Variants in NBEA observed in about 807,000 individuals in gnomAD.
The protein encoded by NBEA is lysosomal-trafficking regulator 2.
In NBEA, 44 loss-of-function variants were observed where a neutral mutation model predicts 343.4. That is an observed-to-expected ratio of 0.13 (90% confidence interval 0.10 to 0.16). The LOEUF is 0.16. Ranked by LOEUF, NBEA falls within the 10% of genes least tolerant of loss-of-function variation. The probability of loss-of-function intolerance (pLI) is 1.00; values close to 1 mark genes in which losing one functional copy is unlikely to be tolerated. For missense variants in NBEA, 2,555 were observed against 3,631.3 expected (o/e 0.70, Z 7.62); for synonymous variants, 1,175 against 1,238.7 (o/e 0.95, Z 1.08).
chr13:35,020,914 G>T (rs1430941514), intron 1 of NBEA, among the ~76,000 whole-genome samples: 1 of 152,070 alleles, frequency 6.6e-6, no homozygotes, highest in Non-Finnish European at 1.5e-5. Context: ...AACAAAAATT[G>T]TAGATTTGTC....
At chr13:35,300,906 T>TA (rs1210510950) in intron 35 of NBEA, among the ~76,000 whole-genome samples, 1 of 152,166 alleles carries the variant, frequency 6.6e-6, no homozygotes, top group East Asian at 1.9e-4. Context: ...CTGTGTACTG[T>TA]TGTCTACCTA....
intron 36 of NBEA, among the ~76,000 whole-genome samples, chr13:35,312,073 G>A (rs1398890802): frequency 6.6e-6 from 1 of 152,128 alleles, no homozygotes; most frequent in Non-Finnish European, 1.5e-5. Flanking sequence ...CCCACTACAT[G>A]TCAAATACTG....
intron 38 of NBEA, among the ~76,000 whole-genome samples, chr13:35,369,484 T>C (rs2041311273): frequency 6.6e-6 from 1 of 151,846 alleles, no homozygotes; most frequent in Non-Finnish European, 1.5e-5. Context: ...AATAATATGA[T>C]GATATTAACA....
intron 40 of NBEA, among the ~76,000 whole-genome samples, chr13:35,453,119 A>G (rs1340752106): frequency 6.6e-6 from 1 of 152,224 alleles, no homozygotes; most frequent in Non-Finnish European, 1.5e-5. Context: ...TGTTGCAAGG[A>G]ACATACTGAA....
chr13:35,129,081 G>T, intron 17 of NBEA, among the ~76,000 whole-genome samples: 1 of 102,470 alleles, frequency 9.8e-6, no homozygotes, highest in African/African-American at 3.8e-5. Flanking sequence ...GAGGGGGGAG[G>T]GATAGCATTA....
At chr13:35,417,229 T>G (rs1233250247) in intron 38 of NBEA, among the ~76,000 whole-genome samples, 3 of 152,204 alleles carry the variant, frequency 2.0e-5, no homozygotes, top group Non-Finnish European at 4.4e-5. Flanking sequence ...TTTGTGTCTC[T>G]ATTTCCTTCA....
chr13:35,086,315 C>G (rs1028213573), intron 10 of NBEA, among the ~76,000 whole-genome samples: 12 of 152,098 alleles, frequency 7.9e-5, no homozygotes, highest in African/African-American at 2.6e-4. Context: ...TCCTCTATTC[C>G]AGCTACTTTG....
At chr13:35,244,623 G>A (rs1327308988) in intron 34 of NBEA, among the ~76,000 whole-genome samples, 3 of 151,852 alleles carry the variant, frequency 2.0e-5, no homozygotes, top group Non-Finnish European at 4.4e-5. Context: ...ATATAAATTT[G>A]AGGATTGTTT....
At chr13:35,013,549 C>A (rs570769965) in intron 1 of NBEA, among the ~76,000 whole-genome samples, 26 of 151,958 alleles carry the variant, frequency 1.7e-4, no homozygotes, top group Non-Finnish European at 1.2e-4. Flanking sequence ...TGGCTCACTG[C>A]AACCTCTGCC....
intron 1 of NBEA, among the ~76,000 whole-genome samples, chr13:34,954,277 A>G (rs925134134): frequency 3.3e-5 from 5 of 152,194 alleles, no homozygotes; most frequent in Admixed American, 3.3e-4. Flanking sequence ...CCCCAGAGAT[A>G]TCAAGGGACA....
chr13:35,116,840 A>G (rs1291322967), intron 13 of NBEA, among the ~76,000 whole-genome samples: 2 of 152,056 alleles, frequency 1.3e-5, no homozygotes, highest in African/African-American at 4.8e-5. Flanking sequence ...ACGTTATGAT[A>G]GAACTGATAT....
chr13:34,959,816 A>G (rs917934129), intron 1 of NBEA, among the ~76,000 whole-genome samples: 5 of 152,136 alleles, frequency 3.3e-5, no homozygotes, highest in African/African-American at 1.2e-4. Context: ...TCATAGCACA[A>G]TGCATCATTC....
intron 13 of NBEA, among the ~76,000 whole-genome samples, chr13:35,115,270 T>C (rs1412350138): frequency 6.6e-6 from 1 of 152,104 alleles, no homozygotes; most frequent in Non-Finnish European, 1.5e-5. Flanking sequence ...AGCTTTATTT[T>C]GAATACATCA....
intron 34 of NBEA, among the ~76,000 whole-genome samples, chr13:35,267,400 A>C (rs2033772496): frequency 6.6e-6 from 1 of 151,998 alleles, no homozygotes. Flanking sequence ...TTTTTTAATG[A>C]ACAAAAATAC....
chr13:35,463,523 G>A (rs1332374499), intron 40 of NBEA, among the ~76,000 whole-genome samples: 1 of 152,076 alleles, frequency 6.6e-6, no homozygotes, highest in Non-Finnish European at 1.5e-5. Context: ...TACTCAGGAG[G>A]CTGATGTGGG....
At chr13:35,076,935 A>T (rs1389310279) in intron 10 of NBEA, among the ~76,000 whole-genome samples, 1 of 152,092 alleles carries the variant, frequency 6.6e-6, no homozygotes, top group Non-Finnish European at 1.5e-5. Flanking sequence ...CAAAACTAAA[A>T]TAAATATTAT....
In NBEA at chr13:35,177,045, A is replaced by G. The variant is rs1181986638; in HGVS notation, c.4604A>G (p.Asp1535Gly). The G allele has an allele frequency of 6.2e-7, 1 of 1,606,196 alleles. No homozygotes were observed. The highest frequency in any genetic ancestry group is 2.2e-5 in the East Asian group (1 of 44,494). ...PGNLSPIKDP[D>G]RLLQDVDINR... The stretch of plus-strand genomic sequence containing the variant: ...AACCTTTCTCCTATTAAGGATCCGG[A>G]TAGACTTCTTCAGGATGTTGATATC... The change falls in exon 28 of 59, where the codon GAT becomes GGT. Residue 1535 changes from aspartate (D) to glycine (G), a missense_variant. By Grantham distance (94) the Asp-to-Gly change is moderately conservative. Transcript: ENST00000379939.
intron 1 of NBEA, among the ~76,000 whole-genome samples, chr13:34,972,607 G>A (rs568738938): frequency 6.6e-6 from 1 of 152,096 alleles, no homozygotes; most frequent in Non-Finnish European, 1.5e-5. Context: ...TAGGACCAGG[G>A]TATTCAATTT....
At chr13:35,501,926 T>C (rs950594095) in intron 41 of NBEA, among the ~76,000 whole-genome samples, 2 of 152,152 alleles carry the variant, frequency 1.3e-5, no homozygotes, top group Admixed American at 6.6e-5. Flanking sequence ...TATGTGTGTG[T>C]GCATACATGT....
Sources: gnomAD v4.1 joint callset for allele counts (sites outside exome capture counted in the v4.1 genomes callset) on GRCh38, gnomAD v4.1.1 for gene constraint, MANE v1.5 for transcripts, NCBI Gene and HGNC (gene_info 2026-07-23, HGNC 2026-07-21) for gene names.